Variants in CCDC92B observed in about 807,000 individuals in gnomAD.
CCDC92B encodes coiled-coil domain containing 92B.
In CCDC92B, 2 loss-of-function variants were observed where a neutral mutation model predicts 5.6. The observed-to-expected ratio is 0.36, with a 90% CI of 0.15 to 1.12. The LOEUF is 1.12. CCDC92B is among the 50% of genes most tolerant of loss of function. CCDC92B has a pLI of 0.40. For missense variants in CCDC92B, 271 were observed against 262.2 expected, an observed-to-expected ratio of 1.03 and a Z score of -0.23; for synonymous variants, 115 against 122.3, an observed-to-expected ratio of 0.94 and a Z score of 0.39.
intron 3 of CCDC92B, among the ~76,000 whole-genome samples, chr17:2,728,653 G>GT (rs1457276456): frequency 6.6e-6 from 1 of 152,118 alleles, no homozygotes; most frequent in African/African-American, 2.4e-5. Context: ...GATTGGGGCA[G>GT]TGGCTTGGGC....
intron 2 of CCDC92B, among the ~76,000 whole-genome samples, chr17:2,732,840 C>T (rs1410077587): frequency 2.6e-5 from 4 of 151,636 alleles, no homozygotes; most frequent in Admixed American, 6.6e-5. Context: ...GGTGAAACCC[C>T]GTCTCTACTA....
At chr17:2,731,514 C>A (rs1597237264) in intron 2 of CCDC92B, among the ~76,000 whole-genome samples, 1 of 152,168 alleles carries the variant, frequency 6.6e-6, no homozygotes, top group South Asian at 2.1e-4. Context: ...AGGAAGGCGG[C>A]ACATCTCTGG....
rs981666582 is a variant in CCDC92B at position 2,730,487 on chromosome 17, G to A, written c.137C>T (p.Thr46Ile). ...LRLQKRCSEL[T>I]HDLEMREAQS... The stretch of plus-strand genomic sequence containing the variant: ...GGCCTCTCTCATTTCCAGGTCATGG[G>A]TCAGTTCTGGGGGGAAAGAAAAGAA... Residue 46 changes from threonine (T) to isoleucine (I), a missense_variant, in exon 3 of 4, where the codon ACC becomes ATC. Transcript: ENST00000614400. 3.0e-6 allele frequency: 3 copies of A among 984,698 alleles called. No homozygotes were observed. Among genetic ancestry groups the A allele is most frequent in the East Asian group, 1.1e-4 (1 of 8,798 alleles). 61.0% of individuals were successfully genotyped at this position (984,698 alleles called of 1,614,324 possible). A position where few individuals can be genotyped will look rare whatever the true frequency, so the allele number is the denominator to read the frequency against.
rs2070669636 is a variant in CCDC92B, at chr17:2,722,523, A to G, written c.*1888T>C. ...GAGTGGCGTCAGCTGGGAGAGCCGC[A>G]CATTGCTTGGCCCTGAGTGCGCTCG... On this transcript the variant is annotated 3_prime_UTR_variant, in exon 4 of 4. Transcript: ENST00000614400. 6.6e-6 allele frequency: 1 copy of G among 152,234 alleles called. No homozygotes were observed. The highest frequency in any genetic ancestry group is 2.1e-4 in the South Asian group (1 of 4,828). The allele number at this position is 152,234 out of a possible 1,614,324, so 9.4% of individuals were successfully genotyped here.
chr17:2,748,008 T>C (rs2071007151), intron 1 of CCDC92B: 1 of 419,780 alleles, frequency 2.4e-6, no homozygotes, highest in African/African-American at 2.0e-5. Flanking sequence ...GTAAAGTAGT[T>C]TGCTCAGTAT....
At chr17:2,740,812 C>G (rs970419894) in intron 1 of CCDC92B, among the ~76,000 whole-genome samples, 1 of 151,518 alleles carries the variant, frequency 6.6e-6, no homozygotes, top group South Asian at 2.1e-4. Context: ...TACAAAAATA[C>G]AAAAATTAGC....
intron 3 of CCDC92B, among the ~76,000 whole-genome samples, chr17:2,728,666 A>T (rs1000698592): frequency 9.2e-5 from 14 of 152,160 alleles, no homozygotes; most frequent in Admixed American, 8.5e-4. Flanking sequence ...GCTTGGGCCC[A>T]GGTGATCTCA....
At position 2,724,489 on chromosome 17, in the gene CCDC92B, C is replaced by T. The variant is rs1407644057; in HGVS notation, c.690G>A (p.Pro230=). The T allele has an allele frequency of 1.3e-5, 13 of 980,554 alleles. No homozygotes were observed. Among genetic ancestry groups the T allele is most frequent in the Non-Finnish European group, 1.6e-5 (13 of 826,896 alleles). 60.7% of individuals were successfully genotyped at this position (980,554 alleles called of 1,614,324 possible). The change falls in exon 4 of 4, where the codon CCG becomes CCA. Residue 230 remains proline (P), a synonymous_variant. Transcript: ENST00000614400. This position sits in a 1 kb window ranked among gnomAD's most constrained non-coding sequence, Gnocchi z 5.0. ...LRPSARSPRQ[P]PPQEPPDRAG... The stretch of plus-strand genomic sequence containing the variant: ...CTCGGTCCGGGGGCTCCTGGGGAGG[C>T]GGCTGGCGCGGGCTGCGGGCGCTGG...
intron 1 of CCDC92B, among the ~76,000 whole-genome samples, chr17:2,736,806 G>A (rs57068362): frequency 0.32 from 48,697 of 150,706 alleles, 8,793 homozygotes; most frequent in South Asian, 0.5. Flanking sequence ...GCTTGAACCC[G>A]GGAGGTGGAA....
At chr17:2,740,631 C>A (rs2070915131) in intron 1 of CCDC92B, among the ~76,000 whole-genome samples, 1 of 151,804 alleles carries the variant, frequency 6.6e-6, no homozygotes, top group Non-Finnish European at 1.5e-5. Flanking sequence ...CTACTGCACT[C>A]AAGCCTGGGC....
intron 2 of CCDC92B, among the ~76,000 whole-genome samples, chr17:2,733,617 C>G (rs1038462453): frequency 6.1e-4 from 93 of 152,118 alleles, no homozygotes; most frequent in African/African-American, 2.0e-3. Flanking sequence ...GGCTGAGATA[C>G]TTGGGCCATT....
At chr17:2,736,217 A>C (rs558842486) in intron 1 of CCDC92B, among the ~76,000 whole-genome samples, 1 of 152,182 alleles carries the variant, frequency 6.6e-6, no homozygotes, top group East Asian at 1.9e-4. Context: ...TCACAAGGTC[A>C]GGAGTTCAAG....
At chr17:2,738,039 G>A (rs963811315) in intron 1 of CCDC92B, among the ~76,000 whole-genome samples, 7 of 151,758 alleles carry the variant, frequency 4.6e-5, no homozygotes, top group Admixed American at 3.9e-4. Flanking sequence ...ATATTTACAC[G>A]AATATTTACA....
intron 1 of CCDC92B, among the ~76,000 whole-genome samples, chr17:2,748,905 T>C (rs2071020787): frequency 1.3e-5 from 2 of 151,740 alleles, no homozygotes; most frequent in South Asian, 4.2e-4. Context: ...GCCGAACCCC[T>C]CAACTCTGGC....
At chr17:2,732,380 G>C (rs9898764) in intron 2 of CCDC92B, among the ~76,000 whole-genome samples, 14,505 of 152,192 alleles carry the variant, frequency 0.095, 1,363 homozygotes, top group East Asian at 0.28. Flanking sequence ...TCAGCCCCAA[G>C]AGTGGCTGCT....
At chr17:2,743,618 C>T (rs1286362514) in intron 1 of CCDC92B, among the ~76,000 whole-genome samples, 2 of 152,182 alleles carry the variant, frequency 1.3e-5, no homozygotes, top group East Asian at 3.8e-4. Flanking sequence ...TTGCTTCTTC[C>T]TGAATGTGCC....
rs2070702445 is a variant in CCDC92B, at chr17:2,724,616, C to A, written c.563G>T (p.Gly188Val). 1 of 981,896 alleles carries A rather than the reference C, an allele frequency of 1.0e-6. No individual in the cohort carries two copies. The highest frequency in any genetic ancestry group is 1.2e-6 in the Non-Finnish European group (1 of 828,338). 60.8% of individuals were successfully genotyped at this position (981,896 alleles called of 1,614,324 possible). Residue 188 changes from glycine to valine, a missense_variant, in exon 4 of 4, where the codon GGC (glycine) becomes GTC (valine). By Grantham distance (109) the Gly-to-Val change is moderately radical. Coordinates refer to ENST00000614400, the MANE Select transcript of CCDC92B (RefSeq NM_001355573.2). This position sits in a 1 kb window ranked among gnomAD's most constrained non-coding sequence, Gnocchi z 5.0. ...AAHEAAAKGP[G>V]RDWAAWDRGA... is the part of the protein sequence containing the mutation. ...GCGGTCCCAGGCGGCCCAGTCCCGG[C>A]CGGGGCCCTTGGCGGCGGCCTCGTG...
chr17:2,735,472 A>C (rs1260422702), intron 1 of CCDC92B, among the ~76,000 whole-genome samples: 1 of 151,952 alleles, frequency 6.6e-6, no homozygotes, highest in Middle Eastern at 3.2e-3. Flanking sequence ...GCTCTGTTGC[A>C]CAGACTGGAG....
intron 3 of CCDC92B, among the ~76,000 whole-genome samples, chr17:2,728,043 A>G (rs1567611454): frequency 6.6e-6 from 1 of 151,692 alleles, no homozygotes; most frequent in Non-Finnish European, 1.5e-5. Context: ...GCCCATTGAA[A>G]GAGCCAGGCA....
Sources: gnomAD v4.1 joint callset for allele counts (sites outside exome capture counted in the v4.1 genomes callset) on GRCh38, gnomAD v4.1.1 for gene constraint, Gnocchi (gnomAD v3.1) non-coding constraint, MANE v1.5 for transcripts, NCBI Gene and HGNC (gene_info 2026-07-23, HGNC 2026-07-21) for gene names.